Variants in TP63 observed in about 807,000 individuals in gnomAD.
The protein encoded by TP63 is tumor protein p63.
A neutral mutation model predicts 82.8 loss-of-function variants in TP63; 17 were observed. That is an observed-to-expected ratio of 0.21 (90% confidence interval 0.14 to 0.31). The LOEUF (loss-of-function observed/expected upper bound fraction) is 0.31, where lower values mean the gene tolerates loss of function less well. Ranked by LOEUF, TP63 falls within the 10% of genes least tolerant of loss-of-function variation. The pLI is 1.00. For synonymous variants in TP63, 330 were observed against 321.7 expected (o/e 1.03, Z -0.28); for missense variants, 648 against 895.3 (o/e 0.72, Z 3.52).
At chr3:189,777,224 T>A (rs1394854449) in intron 3 of TP63, among the ~76,000 whole-genome samples, 1 of 152,068 alleles carries the variant, frequency 6.6e-6, no homozygotes, top group Admixed American at 6.6e-5. Context: ...TGAGACAGAG[T>A]CTTGCTCTGT....
chr3:189,725,774 G>A (rs932702786), intron 1 of TP63, among the ~76,000 whole-genome samples: 1 of 152,140 alleles, frequency 6.6e-6, no homozygotes, highest in Non-Finnish European at 1.5e-5. Context: ...TTATTTTGCA[G>A]GCCGGGTGTG....
rs1033746532 is a variant in TP63 at position 189,672,945 on chromosome 3, A to T, written c.62+41368A>T. Among the ~76,000 whole-genome samples the T allele has an allele frequency of 3.3e-5, 5 of 152,084 alleles. No homozygotes were observed. The East Asian group carries it at 9.6e-4, about 29-fold the overall frequency. ...AACCTCTGCCTTCCACGTTCAAGCA[A>T]TTCTTGTGCCTCAGCCTCCCGAGTA... On this transcript the variant is annotated intron_variant, in intron 1 of 13. Coordinates refer to ENST00000264731, the MANE Select transcript of TP63 (RefSeq NM_003722.5).
chr3:189,633,814 T>C (rs1577147657), intron 1 of TP63, among the ~76,000 whole-genome samples: 1 of 152,246 alleles, frequency 6.6e-6, no homozygotes, highest in East Asian at 1.9e-4. Context: ...ACATAGCTCT[T>C]ACTCAGCATC....
chr3:189,894,602 C>A lies in TP63; in HGVS notation c.*100C>A. On this transcript the variant is annotated 3_prime_UTR_variant, in exon 14 of 14. Coordinates refer to ENST00000264731, the MANE Select transcript of TP63 (RefSeq NM_003722.5). ...AGCCTTCTCCCTAGCTCCTCCCCTT[C>A]CTCTTGTCTGATTTCTTAGGGGAAG... The A allele has an allele frequency of 7.1e-7, 1 of 1,408,676 alleles. No homozygotes were observed. Among genetic ancestry groups the A allele is most frequent in the Non-Finnish European group, 9.7e-7 (1 of 1,028,886 alleles). The allele number at this position is 1,408,676 out of a possible 1,614,324, so 87.3% of individuals were successfully genotyped here.
At chr3:189,754,989 T>A (rs1299661331) in intron 3 of TP63, among the ~76,000 whole-genome samples, 1 of 152,170 alleles carries the variant, frequency 6.6e-6, no homozygotes, top group Non-Finnish European at 1.5e-5. Context: ...TGATGTATGA[T>A]TTACTTTAGA....
At chr3:189,833,810 A>T (rs1712722340) in intron 4 of TP63, among the ~76,000 whole-genome samples, 1 of 152,152 alleles carries the variant, frequency 6.6e-6, no homozygotes, top group Non-Finnish European at 1.5e-5. Context: ...TCTCTACTCC[A>T]CTGAATTTAA....
chr3:189,883,667 C>T (rs547621054), intron 10 of TP63, among the ~76,000 whole-genome samples: 54 of 152,210 alleles, frequency 3.5e-4, no homozygotes, highest in African/African-American at 1.3e-3. Context: ...AGAGTAGGTA[C>T]AATATCTAGG....
At chr3:189,853,590 G>GA (rs1427419593) in intron 4 of TP63, among the ~76,000 whole-genome samples, 1 of 151,942 alleles carries the variant, frequency 6.6e-6, no homozygotes, top group Non-Finnish European at 1.5e-5. Flanking sequence ...AACAATCTTG[G>GA]AAAAAATAAT....
At position 189,648,758 on chromosome 3, in the gene TP63, G is replaced by A. The variant is rs560631152; in HGVS notation, c.62+17181G>A. Among the ~76,000 whole-genome samples, 5 of 146,906 alleles carry A rather than the reference G, an allele frequency of 3.4e-5. 1 individual carries two copies. The highest frequency in any genetic ancestry group is 2.2e-4 in the South Asian group (1 of 4,454). Reference sequence around the variant, plus strand: ...AATCTTACCATTATCCTGTTTATACGTCTAGATATCTTGTTTGCTCAAATC... The same window carrying A: ...AATCTTACCATTATCCTGTTTATACATCTAGATATCTTGTTTGCTCAAATC... On this transcript the variant is annotated intron_variant, in intron 1 of 13. Transcript: ENST00000264731.
At chr3:189,639,319 C>G (rs149468016) in intron 1 of TP63, among the ~76,000 whole-genome samples, 169 of 152,222 alleles carry the variant, frequency 1.1e-3, no homozygotes, top group African/African-American at 3.9e-3. Context: ...ATTGGTTAGT[C>G]AAGGTTTTGG....
In TP63 at chr3:189,864,794, CAGG is replaced by C. The variant is rs1008608882; in HGVS notation, c.766+379_766+381del. On this transcript the variant is annotated intron_variant, in intron 5 of 13. Coordinates refer to ENST00000264731, the MANE Select transcript of TP63 (RefSeq NM_003722.5). ...GGCCGAGGTGGGCAGATCATGAGGT[CAGG>C]AGATCGAGACCATCCTGGCTAACAC... Among the ~76,000 whole-genome samples, 10 of 152,092 alleles carry C rather than the reference CAGG, an allele frequency of 6.6e-5. No homozygotes were observed. In the South Asian group the frequency reaches 1.9e-3, roughly 28 times the overall value.
intron 4 of TP63, among the ~76,000 whole-genome samples, chr3:189,810,807 G>C (rs774101655): frequency 1.5e-4 from 22 of 147,644 alleles, no homozygotes; most frequent in Non-Finnish European, 2.7e-4. Flanking sequence ...GGCGAGCTGA[G>C]ATCGCACCAC....
chr3:189,860,653 T>C (rs1716911781), intron 4 of TP63, among the ~76,000 whole-genome samples: 1 of 152,216 alleles, frequency 6.6e-6, no homozygotes. Context: ...TGTGGTCAGA[T>C]ATTTTGATTT....
chr3:189,670,622 T>G (rs1714809245), intron 1 of TP63, among the ~76,000 whole-genome samples: 1 of 152,000 alleles, frequency 6.6e-6, no homozygotes, highest in Admixed American at 6.6e-5. Context: ...CATAAAAGAT[T>G]GTAGGATGCA....
intron 1 of TP63, among the ~76,000 whole-genome samples, chr3:189,660,290 T>G (rs758815989): frequency 2.0e-5 from 3 of 152,112 alleles, no homozygotes; most frequent in Non-Finnish European, 4.4e-5. Flanking sequence ...CCCAGCACCA[T>G]TGATTGACTA....
At chr3:189,674,420 G>A (rs931964940) in intron 1 of TP63, among the ~76,000 whole-genome samples, 1 of 152,036 alleles carries the variant, frequency 6.6e-6, no homozygotes, top group Non-Finnish European at 1.5e-5. Context: ...TTATTCAGGC[G>A]ATGATCCAGG....
At position 189,646,119 on chromosome 3, in the gene TP63, A is replaced by G. The variant is rs1286579090; in HGVS notation, c.62+14542A>G. Among the ~76,000 whole-genome samples, 2 of 147,212 alleles carry G rather than the reference A, an allele frequency of 1.4e-5. 1 individual carries two copies. The highest frequency in any genetic ancestry group is 5.1e-5 in the African/African-American group (2 of 39,302). On this transcript the variant is annotated intron_variant, in intron 1 of 13. Transcript: ENST00000264731. ...GTGATCCCAAGAGTACAACTGTAGCACCTGGGAATAGTATTAGAAATGCAA... is the reference window on the plus strand; with the variant it reads ...GTGATCCCAAGAGTACAACTGTAGCGCCTGGGAATAGTATTAGAAATGCAA...
chr3:189,854,378 G>T (rs1319530908), intron 4 of TP63, among the ~76,000 whole-genome samples: 1 of 152,014 alleles, frequency 6.6e-6, no homozygotes, highest in Non-Finnish European at 1.5e-5. Context: ...TTACAGACAT[G>T]TGCCACCACG....
At chr3:189,878,488 G>A (rs575098849) in intron 10 of TP63, among the ~76,000 whole-genome samples, 24 of 146,768 alleles carry the variant, frequency 1.6e-4, no homozygotes, top group Non-Finnish European at 3.3e-4. Flanking sequence ...TCCTGGGTTC[G>A]AACAACTCTC....
Sources: allele counts gnomAD v4.1 joint callset (sites outside exome capture counted in the v4.1 genomes callset), GRCh38; gene constraint gnomAD v4.1.1; transcripts MANE v1.5; gene names NCBI Gene and HGNC (gene_info 2026-07-23, HGNC 2026-07-21).